The following CRTC1 variants were observed in gnomAD, a reference collection of about 807,000 sequenced individuals.
CRTC1 encodes the protein CREB-regulated transcription coactivator 1.
In CRTC1, 18 loss-of-function variants were observed where a neutral mutation model predicts 66.1. The ratio of observed to expected loss-of-function variants is 0.27; its 90% CI spans 0.19 to 0.40. CRTC1 has a LOEUF of 0.40. Among genes scored for constraint, CRTC1 ranks in the 10% least tolerant of loss-of-function variants. The probability of loss-of-function intolerance (pLI) is 1.00; values close to 1 mark genes in which losing one functional copy is unlikely to be tolerated. For synonymous variants in CRTC1, 416 were observed against 398.8 expected (o/e 1.04, Z -0.51); for missense variants, 669 against 887.9 (o/e 0.75, Z 3.13).
In CRTC1 at chr19:18,771,495, TC is replaced by T. The variant is rs1290621447; in HGVS notation, c.1377del (p.Thr460ProfsTer51). On this transcript the variant is annotated frameshift_variant, in exon 11 of 14. Transcript: ENST00000321949. LOFTEE classifies it high-confidence loss of function. The surrounding 1 kb of genome is among the most constrained non-coding windows in gnomAD (Gnocchi z 4.6). ...GCGCCGGCTCCCCGGCCAACCAGTC[TC>T]CCACCTCGCCAGTCTCCAATCAAGG... ...TSAGSPANQS[P>X]TSPVSNQGFS... 1 of 1,613,512 alleles carries T rather than the reference TC, an allele frequency of 6.2e-7. No individual in the cohort carries two copies. Among genetic ancestry groups the T allele is most frequent in the African/African-American group, 1.3e-5 (1 of 74,830 alleles).
chr19:18,704,774 G>A (rs1001497931), intron 1 of CRTC1, among the ~76,000 whole-genome samples: 5 of 152,160 alleles, frequency 3.3e-5, no homozygotes. Context: ...AACCTTAAGT[G>A]TGCAGTTCAG....
intron 1 of CRTC1, among the ~76,000 whole-genome samples, chr19:18,706,265 T>G (rs1233817344): frequency 2.3e-5 from 3 of 130,946 alleles, no homozygotes; most frequent in African/African-American, 8.5e-5. Context: ...AGTGCAGTGG[T>G]GCAATCTTGG....
intron 1 of CRTC1, among the ~76,000 whole-genome samples, chr19:18,701,873 C>T (rs1283186500): frequency 6.6e-6 from 1 of 151,206 alleles, no homozygotes; most frequent in Admixed American, 6.6e-5. Context: ...CCACCTTGGC[C>T]TCCCAAAGTG....
At chr19:18,738,394 T>C (rs1432222892) in intron 1 of CRTC1, among the ~76,000 whole-genome samples, 2 of 152,096 alleles carry the variant, frequency 1.3e-5, no homozygotes, top group African/African-American at 4.8e-5. Context: ...TTTGGCCGCA[T>C]GAGGGTCAGC....
Position 18,780,640 on chromosome 19 carries a change from C to G in CRTC1, c.*3258C>G, listed in dbSNP as rs192325561. On this transcript the variant is annotated 3_prime_UTR_variant, in exon 14 of 14. Transcript: ENST00000321949. ...TGTGAGCTGGGACCTCGCCTGAGCCCGGTCAGGTGGGACAGGAGCCTGCCA... is the reference window on the plus strand; with the variant it reads ...TGTGAGCTGGGACCTCGCCTGAGCCGGGTCAGGTGGGACAGGAGCCTGCCA... The G allele has an allele frequency of 8.8e-6, 2 of 227,118 alleles. No homozygotes were observed. Among genetic ancestry groups the G allele is most frequent in the Non-Finnish European group, 8.7e-6 (1 of 114,348 alleles). 14.1% of individuals were successfully genotyped at this position (227,118 alleles called of 1,614,324 possible).
At chr19:18,721,190 C>T (rs1368759471) in intron 1 of CRTC1, among the ~76,000 whole-genome samples, 6 of 144,586 alleles carry the variant, frequency 4.1e-5, no homozygotes, top group Non-Finnish European at 8.9e-5. Context: ...TCCAGTTCAA[C>T]CTCTGTTTTT....
rs1362617739 is a variant in CRTC1 at position 18,754,734 on chromosome 19, A to G, written c.624+1149A>G. On this transcript the variant is annotated intron_variant, in intron 6 of 13. Coordinates refer to ENST00000321949, the MANE Select transcript of CRTC1 (RefSeq NM_015321.3). ...ATTCTGAAGAAATTTTAAACTCATG[A>G]GAGACACTCCTGATACTATTGTCAT... Among the ~76,000 whole-genome samples, 3 of 152,230 alleles carry G rather than the reference A, an allele frequency of 2.0e-5. No individual in the cohort carries two copies. The East Asian group carries it at 5.8e-4, about 29-fold the overall frequency.
At chr19:18,744,266 G>C in intron 2 of CRTC1, 1 of 1,017,446 alleles carries the variant, frequency 9.8e-7, no homozygotes, top group Non-Finnish European at 1.4e-6. Context: ...CCGCCCCTGC[G>C]GCTCCCAGGG....
intron 1 of CRTC1, among the ~76,000 whole-genome samples, chr19:18,702,751 C>T (rs1268219057): frequency 6.6e-6 from 1 of 151,280 alleles, no homozygotes; most frequent in African/African-American, 2.4e-5. Flanking sequence ...TCAGGCTGGT[C>T]TCGAATTCCC....
Position 18,765,422 on chromosome 19 carries a change from C to G in CRTC1, c.905C>G (p.Ser302Cys). 1 of 1,612,952 alleles carries G rather than the reference C, an allele frequency of 6.2e-7. No individual in the cohort carries two copies. Among genetic ancestry groups the G allele is most frequent in the Non-Finnish European group, 8.5e-7 (1 of 1,179,634 alleles). Residue 302 changes from serine (S) to cysteine (C), a missense_variant, in exon 9 of 14, where the codon TCC (serine) becomes TGC (cysteine). Ser to Cys is a moderately radical substitution (Grantham distance 112). This residue lies in a region of CRTC1 where 241 missense variants were observed against 242.2 expected (regional missense o/e 0.99). Coordinates refer to ENST00000321949, the MANE Select transcript of CRTC1 (RefSeq NM_015321.3). Reference sequence around the variant, plus strand: ...TCTCTAGGAATGAGCACACCTGGCTCCTCTCCACAGCACCGCCCAGCTGGC... The same window carrying G: ...TCTCTAGGAATGAGCACACCTGGCTGCTCTCCACAGCACCGCCCAGCTGGC... ...GAGQGMSTPGSSPQHRPAGVS... is the reference protein window; with the variant it reads ...GAGQGMSTPGCSPQHRPAGVS...
At chr19:18,742,299 C>T (rs1257048589) in intron 1 of CRTC1, among the ~76,000 whole-genome samples, 1 of 152,122 alleles carries the variant, frequency 6.6e-6, no homozygotes, top group African/African-American at 2.4e-5. Context: ...AGGCGCTCAG[C>T]TGGGCCCAGC....
intron 9 of CRTC1, 73 bp downstream of exon 9, chr19:18,765,601 G>A (rs1230271071): frequency 1.1e-5 from 16 of 1,460,996 alleles, no homozygotes; most frequent in Non-Finnish European, 1.5e-5. Flanking sequence ...CCTCTTAGAA[G>A]GCCTCCTGTT....
chr19:18,689,868 G>A (rs181723148), intron 1 of CRTC1, among the ~76,000 whole-genome samples: 20 of 151,854 alleles, frequency 1.3e-4, no homozygotes, highest in African/African-American at 4.6e-4. Context: ...TAGAGTTGCC[G>A]GGTCCTCTGG....
In CRTC1 at chr19:18,768,512, G is replaced by A. The variant is rs979273977; in HGVS notation, c.1039G>A (p.Glu347Lys). 10 of 1,609,700 alleles carry A rather than the reference G, an allele frequency of 6.2e-6. No homozygotes were observed. Among genetic ancestry groups the A allele is most frequent in the Middle Eastern group, 1.7e-4 (1 of 6,028 alleles). The change falls in exon 10 of 14, where the codon GAG (glutamate) becomes AAG (lysine). Residue 347 changes from glutamate to lysine, a missense_variant. By Grantham distance (56) the Glu-to-Lys change is moderately conservative. Transcript: ENST00000321949. This position sits in a 1 kb window ranked among gnomAD's most constrained non-coding sequence, Gnocchi z 5.6. The part of the protein sequence containing the change: ...QAVAMDALSL[E>K]QQLPYAFFTQ... The stretch of plus-strand genomic sequence containing the variant: ...TGTAGCCATGGACGCCCTGTCTCTG[G>A]AGCAGCAGCTGCCCTACGCCTTCTT...
At chr19:18,745,303 G>A (rs1010407196) in intron 2 of CRTC1, among the ~76,000 whole-genome samples, 3 of 152,196 alleles carry the variant, frequency 2.0e-5, no homozygotes, top group African/African-American at 7.2e-5. Flanking sequence ...GCAGCCCTGG[G>A]CTCCACAAGG....
intron 4 of CRTC1, among the ~76,000 whole-genome samples, chr19:18,747,630 C>T (rs1053588803): frequency 6.6e-6 from 1 of 152,054 alleles, no homozygotes; most frequent in African/African-American, 2.4e-5. Flanking sequence ...GAGACTCCAT[C>T]GCAAGAAAAA....
At chr19:18,695,588 G>A (rs879375112) in intron 1 of CRTC1, among the ~76,000 whole-genome samples, 1 of 152,114 alleles carries the variant, frequency 6.6e-6, no homozygotes, top group Non-Finnish European at 1.5e-5. Flanking sequence ...ACACACGGCC[G>A]GGTGTGGTGG....
At chr19:18,740,488 A>G (rs2054087994) in intron 1 of CRTC1, among the ~76,000 whole-genome samples, 1 of 152,094 alleles carries the variant, frequency 6.6e-6, no homozygotes, top group South Asian at 2.1e-4. Flanking sequence ...CCAGATGTCA[A>G]GCTGATGTGC....
intron 4 of CRTC1, among the ~76,000 whole-genome samples, chr19:18,748,396 T>A (rs964328646): frequency 2.7e-5 from 4 of 146,894 alleles, no homozygotes; most frequent in Non-Finnish European, 6.0e-5. Flanking sequence ...TTTTTTTTTT[T>A]TTTGGAGAGA....
Sources: allele counts gnomAD v4.1 joint callset (sites outside exome capture counted in the v4.1 genomes callset), GRCh38; gene constraint gnomAD v4.1.1; regional missense constraint gnomAD v4.1.1; non-coding constraint Gnocchi (gnomAD v3.1); transcripts MANE v1.5; gene names NCBI Gene and HGNC (gene_info 2026-07-23, HGNC 2026-07-21).